Variants in CHFR observed in about 807,000 individuals in gnomAD.
CHFR encodes E3 ubiquitin-protein ligase CHFR.
Under a neutral mutation model 87.6 loss-of-function variants are expected in CHFR, and 57 were observed. That is an observed-to-expected ratio of 0.65 (90% CI 0.53 to 0.81). CHFR has a LOEUF of 0.81. Among genes scored for constraint, CHFR ranks in the 30% least tolerant of loss-of-function variants. The pLI is 0.00. For missense variants in CHFR, 797 were observed against 865.8 expected (o/e 0.92, Z 1.00); for synonymous variants, 381 against 359.2 (o/e 1.06, Z -0.69).
chr12:132,886,187 C>T (rs1207170137), intron 2 of CHFR, among the ~76,000 whole-genome samples: 1 of 152,124 alleles, frequency 6.6e-6, no homozygotes, highest in Non-Finnish European at 1.5e-5. Context: ...TGGCGCACGC[C>T]TGTAGTCCCA....
At chr12:132,842,265 A>C (rs995908817) in intron 17 of CHFR, among the ~76,000 whole-genome samples, 22 of 152,182 alleles carry the variant, frequency 1.4e-4, no homozygotes, top group Admixed American at 1.4e-3. Context: ...TTCCCTCTCC[A>C]CAGACTGTGG....
At chr12:132,844,275 C>G (rs958432652) in intron 15 of CHFR, 141 bp from the exon 16 acceptor site, 3 of 615,424 alleles carry the variant, frequency 4.9e-6, no homozygotes, top group Admixed American at 2.4e-5. Context: ...AAGAACAAAG[C>G]CAATCTAGAT....
At chr12:132,857,582 G>A (rs1951111326) in intron 8 of CHFR, 23 bp from the exon 9 acceptor site, 1 of 1,609,668 alleles carries the variant, frequency 6.2e-7, no homozygotes, top group Admixed American at 1.7e-5. Context: ...GAGGAACAGT[G>A]TCCAGACAGT....
chr12:132,843,960 G>T, intron 16 of CHFR, 67 bp downstream of exon 16: 1 of 903,530 alleles, frequency 1.1e-6, no homozygotes, highest in South Asian at 1.4e-5. Flanking sequence ...AAAAAAAAAA[G>T]AGAGGCAGAA....
intron 4 of CHFR, 60 bp downstream of exon 4, chr12:132,872,225 G>A: frequency 9.7e-7 from 1 of 1,030,964 alleles, no homozygotes; most frequent in Non-Finnish European, 1.5e-6. Flanking sequence ...AACGTTCAGA[G>A]AGCGCCCTCA....
At chr12:132,852,814 C>T (rs1566181182) in intron 11 of CHFR, among the ~76,000 whole-genome samples, 1 of 152,208 alleles carries the variant, frequency 6.6e-6, no homozygotes, top group Non-Finnish European at 1.5e-5. Flanking sequence ...CCAGTGGCCT[C>T]GTGATGTGCT....
At chr12:132,844,774 G>A (rs1163944914) in intron 15 of CHFR, among the ~76,000 whole-genome samples, 1 of 152,096 alleles carries the variant, frequency 6.6e-6, no homozygotes, top group Non-Finnish European at 1.5e-5. Context: ...GGGACTACAG[G>A]TGTGTGCCAC....
chr12:132,877,343 T>C (rs1294045959), intron 3 of CHFR, among the ~76,000 whole-genome samples: 1 of 152,184 alleles, frequency 6.6e-6, no homozygotes, highest in South Asian at 2.1e-4. Flanking sequence ...TCCATGATGT[T>C]TGCAAGATGA....
Position 132,857,524 on chromosome 12 carries a change from C to T in CHFR, c.947G>A (p.Cys316Tyr). 1 of 1,614,160 alleles carries T rather than the reference C, an allele frequency of 6.2e-7. No homozygotes were observed. Among genetic ancestry groups the T allele is most frequent in the Non-Finnish European group, 8.5e-7 (1 of 1,180,014 alleles). ...CGAGCGCTCCATCCAGCCCGAGTAG[C>T]AAGCCGCGCAGAACGTGTGCATGCA... ...QPCMHTFCAACYSGWMERSSL... is the reference protein window; with the variant it reads ...QPCMHTFCAAYYSGWMERSSL... The change falls in exon 9 of 18, where the codon TGC (cysteine) becomes TAC (tyrosine). Residue 316 changes from cysteine (C) to tyrosine (Y), a missense_variant. By Grantham distance (194) the Cys-to-Tyr change is radical. Around this residue, in one of 2 missense-constraint regions of CHFR, gnomAD observed 597 missense variants for 601.2 expected, o/e 0.99. Transcript: ENST00000450056.
chr12:132,843,047 C>A lies in CHFR; in HGVS notation c.1880G>T (p.Arg627Leu), dbSNP rs779420556. The A allele has an allele frequency of 6.2e-7, 1 of 1,613,390 alleles. No homozygotes were observed. The highest frequency in any genetic ancestry group is 1.1e-5 in the South Asian group (1 of 90,782). Residue 627 changes from arginine to leucine, a missense_variant, in exon 17 of 18, where the codon CGT becomes CTT. Arg to Leu is a moderately radical substitution (Grantham distance 102). This residue lies in a region of CHFR where 200 missense variants were observed against 264.6 expected (regional missense o/e 0.76). Transcript: ENST00000450056. ...VTSRPDCYWG[R>L]NCRTQVKAHH... Reference sequence around the variant, plus strand: ...AGCTTTCACCTGAGTGCGGCAGTTACGGCCCCAGTAGCAGTCAGGACGGGA... The same window carrying A: ...AGCTTTCACCTGAGTGCGGCAGTTAAGGCCCCAGTAGCAGTCAGGACGGGA...
intron 13 of CHFR, 71 bp from the exon 14 acceptor site, chr12:132,848,226 GAGGATAA>G: frequency 6.2e-7 from 1 of 1,607,790 alleles, no homozygotes; most frequent in Non-Finnish European, 8.5e-7. Context: ...GCCCGACACT[GAGGATAA>G]ACATATTTCT....
chr12:132,855,358 G>GCAA (rs1301975628), intron 10 of CHFR, among the ~76,000 whole-genome samples: 4 of 149,170 alleles, frequency 2.7e-5, no homozygotes, highest in African/African-American at 9.9e-5. Flanking sequence ...GGAGGCGGAG[G>GCAA]TTGCAATGCG....
intron 3 of CHFR, among the ~76,000 whole-genome samples, chr12:132,872,998 G>A (rs1440545222): frequency 1.3e-5 from 2 of 152,210 alleles, no homozygotes; most frequent in Non-Finnish European, 2.9e-5. Flanking sequence ...AGTTGATGGG[G>A]CAGGAAGTGC....
chr12:132,851,981 G>T (rs1001858569), intron 11 of CHFR, among the ~76,000 whole-genome samples: 1 of 150,912 alleles, frequency 6.6e-6, no homozygotes, highest in African/African-American at 2.4e-5. Context: ...AAGATCTGTT[G>T]CAAGTTCTCT....
chr12:132,841,471 C>T lies in CHFR; in HGVS notation c.*83G>A, dbSNP rs1593437486. 7.9e-7 allele frequency: 1 copy of T among 1,265,728 alleles called. No homozygotes were observed. The highest frequency in any genetic ancestry group is 1.2e-6 in the Non-Finnish European group (1 of 863,256). The allele number at this position is 1,265,728 out of a possible 1,614,324, so 78.4% of individuals were successfully genotyped here. On this transcript the variant is annotated 3_prime_UTR_variant, in exon 18 of 18. Transcript: ENST00000450056. ...CCCTTCCCTCAGGGGGCTGTGAAAA[C>T]ACCTTGACGTGCTTGTCTCTGTATT...
intron 15 of CHFR, among the ~76,000 whole-genome samples, chr12:132,845,762 A>T (rs1345884140): frequency 6.7e-6 from 1 of 148,548 alleles, no homozygotes; most frequent in Non-Finnish European, 1.5e-5. Flanking sequence ...ATCAAGCAAG[A>T]GATTCACCAA....
chr12:132,844,024 T>A lies in CHFR; in HGVS notation c.1843+3A>T, dbSNP rs369899407. On this transcript the variant is annotated splice_donor_region_variant and intron_variant, in intron 16 of 17. Transcript: ENST00000450056. ...AGCCATGAGGAAGTCGGGGGCTCCT[T>A]ACCTGGCAACTCGGAAGCAGGAATG... 2.8e-4 allele frequency: 447 copies of A among 1,605,082 alleles called. 1 individual carries two copies. Among genetic ancestry groups the A allele is most frequent in the Non-Finnish European group, 3.6e-4 (427 of 1,172,242 alleles).
chr12:132,878,987 GTTTTTT>G (rs971216710), intron 2 of CHFR, among the ~76,000 whole-genome samples: 1 of 137,678 alleles, frequency 7.3e-6, no homozygotes, highest in African/African-American at 2.7e-5. Context: ...ATAGGCATTT[GTTTTTT>G]TTTTTGTTTT....
At chr12:132,866,826 C>G (rs2137003592) in intron 6 of CHFR, 1 of 152,350 alleles carries the variant, frequency 6.6e-6, no homozygotes, top group East Asian at 1.9e-4. Context: ...GCTTTTAGAA[C>G]ACTCTGCTCC....
Sources: allele counts gnomAD v4.1 joint callset (sites outside exome capture counted in the v4.1 genomes callset), GRCh38; gene constraint gnomAD v4.1.1; regional missense constraint gnomAD v4.1.1; transcripts MANE v1.5; gene names NCBI Gene and HGNC (gene_info 2026-07-23, HGNC 2026-07-21).